Variants in CYP20A1 observed in about 807,000 individuals in gnomAD.
CYP20A1 encodes cytochrome P450 20A1.
In CYP20A1, 61 loss-of-function variants were observed where a neutral mutation model predicts 61.4. The ratio of observed to expected loss-of-function variants is 0.99; its 90% CI spans 0.81 to 1.23. The LOEUF (loss-of-function observed/expected upper bound fraction) is 1.23. Ranked by LOEUF, CYP20A1 falls within the 50% of genes most tolerant of loss-of-function variation. CYP20A1 has a pLI of 0.00. For synonymous variants in CYP20A1, 193 were observed against 188.2 expected (o/e 1.03, Z -0.21); for missense variants, 530 against 542.4 (o/e 0.98, Z 0.23).
At chr2:203,286,467 A>G (rs115207170) in intron 9 of CYP20A1, among the ~76,000 whole-genome samples, 4 of 111,446 alleles carry the variant, frequency 3.6e-5, no homozygotes, top group Admixed American at 2.8e-4. Context: ...ACTGGTAAAT[A>G]GATAAACAAA....
At chr2:203,279,837 A>G (rs1056336396) in intron 7 of CYP20A1, among the ~76,000 whole-genome samples, 2 of 152,208 alleles carry the variant, frequency 1.3e-5, no homozygotes, top group South Asian at 2.1e-4. Context: ...ACATACAACT[A>G]TAGTTCATCA....
At chr2:203,241,937 G>T (rs2066268330) in intron 1 of CYP20A1, among the ~76,000 whole-genome samples, 1 of 152,186 alleles carries the variant, frequency 6.6e-6, no homozygotes, top group African/African-American at 2.4e-5. Flanking sequence ...TGCCTCCCAG[G>T]TTCAAGCGAT....
In CYP20A1 at chr2:203,244,818, C is replaced by G. The variant is rs1051203884; in HGVS notation, c.73-1028C>G. ...CGCGATCTAGGCTCACTGCAAGCTC[C>G]GCCTCCCAGGTTCACGCCATTCTCC... On this transcript the variant is annotated intron_variant, in intron 1 of 12. Coordinates refer to ENST00000356079, the MANE Select transcript of CYP20A1 (RefSeq NM_177538.3). Among the ~76,000 whole-genome samples the G allele has an allele frequency of 9.3e-5, 14 of 151,016 alleles. 1 individual carries two copies. The highest frequency in any genetic ancestry group is 3.4e-4 in the African/African-American group (14 of 40,988).
intron 1 of CYP20A1, among the ~76,000 whole-genome samples, chr2:203,241,572 TG>T (rs1213797329): frequency 6.6e-6 from 1 of 152,240 alleles, no homozygotes; most frequent in African/African-American, 2.4e-5. Flanking sequence ...GGAAGCCAGA[TG>T]TTTTAAGCAG....
intron 4 of CYP20A1, among the ~76,000 whole-genome samples, chr2:203,256,142 A>AT (rs1236833481): frequency 9.4e-6 from 1 of 106,272 alleles, no homozygotes; most frequent in Non-Finnish European, 2.0e-5. Flanking sequence ...TGTTTTTAAA[A>AT]TTTTTTGTAA....
intron 9 of CYP20A1, among the ~76,000 whole-genome samples, chr2:203,286,719 A>G (rs2068286080): frequency 6.6e-6 from 1 of 152,228 alleles, no homozygotes; most frequent in Admixed American, 6.5e-5. Context: ...AAATGAAACT[A>G]TCATATATTA....
chr2:203,246,237 T>A (rs994298934), intron 2 of CYP20A1, among the ~76,000 whole-genome samples: 2 of 152,252 alleles, frequency 1.3e-5, no homozygotes, highest in African/African-American at 4.8e-5. Context: ...ACTCATCTTA[T>A]TCAATTCAAT....
Position 203,304,782 on chromosome 2 carries a change from A to G in CYP20A1, c.*7874A>G, listed in dbSNP as rs554637493. Among the ~76,000 whole-genome samples the G allele has an allele frequency of 2.9e-4, 44 of 152,230 alleles. No homozygotes were observed. The highest frequency in any genetic ancestry group is 7.2e-4 in the African/African-American group (30 of 41,532). On this transcript the variant is annotated 3_prime_UTR_variant, in exon 13 of 13. Transcript: ENST00000356079. ...GAAACTGCATCTCTACAAAAAATAC[A>G]AAAATTAGCCAGGTGTGCTGGCGCA...
intron 7 of CYP20A1, 33 bp from the exon 8 acceptor site, chr2:203,280,026 T>C (rs774068295): frequency 2.6e-6 from 4 of 1,549,070 alleles, no homozygotes; most frequent in Non-Finnish European, 3.5e-6. Context: ...CCTTACATTT[T>C]TCACACTTTC....
chr2:203,239,172 GC>G, intron 1 of CYP20A1, 38 bp downstream of exon 1: 1 of 1,560,650 alleles, frequency 6.4e-7, no homozygotes, highest in Non-Finnish European at 8.8e-7. Context: ...CCCGGGCGCC[GC>G]CCCAGTCTCT....
rs779832259 is a variant in CYP20A1 at position 203,239,161 on chromosome 2, C to T, written c.72+27C>T. Reference sequence around the variant, plus strand: ...TGAGCGCCGTCTTGGCTCTCTGGGGCCCCGGGCGCCGCCCCAGTCTCTCTG... The same window carrying T: ...TGAGCGCCGTCTTGGCTCTCTGGGGTCCCGGGCGCCGCCCCAGTCTCTCTG... On this transcript the variant is annotated intron_variant, in intron 1 of 12. Coordinates refer to ENST00000356079, the MANE Select transcript of CYP20A1 (RefSeq NM_177538.3). 6 of 1,592,082 alleles carry T rather than the reference C, an allele frequency of 3.8e-6. No individual in the cohort carries two copies. In the South Asian group the frequency reaches 4.4e-5, roughly 12 times the overall value.
intron 10 of CYP20A1, among the ~76,000 whole-genome samples, chr2:203,291,040 C>T (rs932391976): frequency 6.6e-6 from 1 of 152,034 alleles, no homozygotes; most frequent in African/African-American, 2.4e-5. Context: ...GAGTCTGAGA[C>T]ACGGAGTTTT....
At chr2:203,273,286 T>C (rs2067681911) in intron 6 of CYP20A1, among the ~76,000 whole-genome samples, 1 of 152,202 alleles carries the variant, frequency 6.6e-6, no homozygotes, top group Non-Finnish European at 1.5e-5. Flanking sequence ...TGGTATACTC[T>C]ACAGGATTAA....
intron 4 of CYP20A1, among the ~76,000 whole-genome samples, chr2:203,252,850 C>A (rs2066744717): frequency 6.6e-6 from 1 of 152,096 alleles, no homozygotes; most frequent in Admixed American, 6.6e-5. Flanking sequence ...GGTTGATGAG[C>A]CTAATTAGGG....
chr2:203,292,616 G>A (rs993595937), intron 11 of CYP20A1, among the ~76,000 whole-genome samples: 1 of 151,958 alleles, frequency 6.6e-6, no homozygotes, highest in African/African-American at 2.4e-5. Context: ...GTGCTGCCAC[G>A]CCTGGTTCAT....
intron 3 of CYP20A1, 113 bp from the exon 4 acceptor site, chr2:203,251,854 C>T (rs2066702987): frequency 8.8e-6 from 4 of 454,672 alleles, no homozygotes; most frequent in Non-Finnish European, 1.4e-5. Context: ...TTATGAAAAA[C>T]AGTTGCCATG....
chr2:203,275,465 C>A (rs1433344770), intron 6 of CYP20A1, among the ~76,000 whole-genome samples: 1 of 151,152 alleles, frequency 6.6e-6, no homozygotes, highest in South Asian at 2.1e-4. Flanking sequence ...GACTGAATCT[C>A]GCTCTATTGC....
intron 3 of CYP20A1, among the ~76,000 whole-genome samples, 172 bp from the exon 4 acceptor site, chr2:203,251,795 A>ATATATATATATATATATATATG (rs2066685306): frequency 1.3e-5 from 1 of 77,044 alleles, no homozygotes; most frequent in African/African-American, 6.1e-5. Flanking sequence ...ATATATGTGT[A>ATATATATATATATATATATATG]TATATATATA....
chr2:203,276,401 CTG>C (rs531426793), intron 6 of CYP20A1, among the ~76,000 whole-genome samples: 1 of 152,016 alleles, frequency 6.6e-6, no homozygotes, highest in African/African-American at 2.4e-5. Context: ...GTATGATAGA[CTG>C]TATGGGTCCA....
Sources: allele counts gnomAD v4.1 joint callset (sites outside exome capture counted in the v4.1 genomes callset), GRCh38; gene constraint gnomAD v4.1.1; transcripts MANE v1.5; gene names NCBI Gene and HGNC (gene_info 2026-07-23, HGNC 2026-07-21).